Variants in DPYSL2 observed in about 807,000 individuals in gnomAD.
DPYSL2 encodes the protein dihydropyrimidinase-related protein 2.
DPYSL2 carries 13 observed loss-of-function variants against 69.9 expected under a neutral mutation model. The ratio of observed to expected loss-of-function variants is 0.19; its 90% CI spans 0.12 to 0.30. The LOEUF (loss-of-function observed/expected upper bound fraction) is 0.30, where lower values mean the gene tolerates loss of function less well. DPYSL2 is among the 10% of genes least tolerant of loss of function. The pLI is 1.00. For missense variants in DPYSL2, 587 were observed against 918.9 expected (o/e 0.64, Z 4.67); for synonymous variants, 326 against 359.1 (o/e 0.91, Z 1.04).
chr8:26,639,240 A>G (rs1305679168), intron 8 of DPYSL2, among the ~76,000 whole-genome samples: 1 of 152,188 alleles, frequency 6.6e-6, no homozygotes, highest in Admixed American at 6.5e-5. Flanking sequence ...GGGATGAGAG[A>G]GGAGAGAGGA....
chr8:26,581,021 G>A (rs1377696743), intron 1 of DPYSL2, among the ~76,000 whole-genome samples: 1 of 152,128 alleles, frequency 6.6e-6, no homozygotes, highest in Non-Finnish European at 1.5e-5. Flanking sequence ...GTAGTGCATT[G>A]CATCTTAGAA....
chr8:26,644,183 A>G lies in DPYSL2; in HGVS notation c.1425+92A>G. The G allele has an allele frequency of 6.7e-7, 1 of 1,482,492 alleles. No individual in the cohort carries two copies. The highest frequency in any genetic ancestry group is 9.1e-7 in the Non-Finnish European group (1 of 1,102,788). The allele number at this position is 1,482,492 out of a possible 1,614,324, so 91.8% of individuals were successfully genotyped here. On this transcript the variant is annotated intron_variant, in intron 10 of 13. Coordinates refer to ENST00000521913, the MANE Select transcript of DPYSL2 (RefSeq NM_001197293.3). This position sits in a 1 kb window ranked among gnomAD's most constrained non-coding sequence, Gnocchi z 4.5. ...TGGGGCTCATGGAGGCCTTGAAATGACAGACAGTGGAGGACATCCTAGAAG... is the reference window on the plus strand; with the variant it reads ...TGGGGCTCATGGAGGCCTTGAAATGGCAGACAGTGGAGGACATCCTAGAAG...
At position 26,609,424 on chromosome 8, in the gene DPYSL2, C is replaced by A. The variant is rs1274238681; in HGVS notation, c.629-14719C>A. On this transcript the variant is annotated intron_variant, in intron 3 of 13. Coordinates refer to ENST00000521913, the MANE Select transcript of DPYSL2 (RefSeq NM_001197293.3). The surrounding 1 kb of genome is among the most constrained non-coding windows in gnomAD (Gnocchi z 6.5). ...AAGTCCTTAAGTTATAGTTGGATTC[C>A]CTTCCCAGCAAGGAACCAACAGGAA... Among the ~76,000 whole-genome samples the A allele has an allele frequency of 6.6e-6, 1 of 152,156 alleles. No individual in the cohort carries two copies. Among genetic ancestry groups the A allele is most frequent in the Non-Finnish European group, 1.5e-5 (1 of 68,036 alleles).
At chr8:26,547,805 A>T in intron 1 of DPYSL2, 1 of 367,614 alleles carries the variant, frequency 2.7e-6, no homozygotes. Context: ...GAATTCCCCT[A>T]CAGATTCTTG....
chr8:26,526,993 C>T (rs1808489168), intron 1 of DPYSL2, among the ~76,000 whole-genome samples: 3 of 152,184 alleles, frequency 2.0e-5, no homozygotes, highest in African/African-American at 7.2e-5. Flanking sequence ...GAGGCTAATG[C>T]TGTAGTTGAC....
In DPYSL2 at chr8:26,585,091, G is replaced by A. The variant is rs912844634; in HGVS notation, c.628+1108G>A. Among the ~76,000 whole-genome samples the A allele has an allele frequency of 6.6e-6, 1 of 152,070 alleles. No homozygotes were observed. The highest frequency in any genetic ancestry group is 1.5e-5 in the Non-Finnish European group (1 of 68,030). On this transcript the variant is annotated intron_variant, in intron 3 of 13. Transcript: ENST00000521913. The surrounding 1 kb of genome is among the most constrained non-coding windows in gnomAD (Gnocchi z 4.0). ...AGGTGGGCAAGCTGCATAGTGGCCCGTCAGATACATATTTTAAAAAACAGA... is the reference window on the plus strand; with the variant it reads ...AGGTGGGCAAGCTGCATAGTGGCCCATCAGATACATATTTTAAAAAACAGA...
In DPYSL2 at chr8:26,657,873, C is replaced by A. The variant is rs546461407; in HGVS notation, c.*2167C>A. On this transcript the variant is annotated 3_prime_UTR_variant, in exon 14 of 14. Coordinates refer to ENST00000521913, the MANE Select transcript of DPYSL2 (RefSeq NM_001197293.3). ...GTTAAATGAATGTCATATGTAAATG[C>A]TAAAATAAATCGACAGTGTCTCAGA... is the stretch of plus-strand genomic sequence containing the variant. 2 of 152,646 alleles carry A rather than the reference C, an allele frequency of 1.3e-5. No homozygotes were observed. The highest frequency in any genetic ancestry group is 3.9e-4 in the East Asian group (2 of 5,184). 9.5% of individuals were successfully genotyped at this position (152,646 alleles called of 1,614,324 possible).
In DPYSL2 at chr8:26,648,163, G is replaced by A. The variant is rs1043283864; in HGVS notation, c.1596+363G>A. On this transcript the variant is annotated intron_variant, in intron 11 of 13. Coordinates refer to ENST00000521913, the MANE Select transcript of DPYSL2 (RefSeq NM_001197293.3). This position sits in a 1 kb window ranked among gnomAD's most constrained non-coding sequence, Gnocchi z 4.3. ...ACTTGGTGCAAGGGACCTCAATGAA[G>A]CAGTGAGATGTCCTCTCCTGAGATG... Among the ~76,000 whole-genome samples the A allele has an allele frequency of 1.3e-5, 2 of 152,170 alleles. No individual in the cohort carries two copies. Among genetic ancestry groups the A allele is most frequent in the Non-Finnish European group, 2.9e-5 (2 of 68,044 alleles).
intron 1 of DPYSL2, among the ~76,000 whole-genome samples, chr8:26,575,810 G>A (rs1172521426): frequency 6.6e-6 from 1 of 152,186 alleles, no homozygotes; most frequent in Non-Finnish European, 1.5e-5. Flanking sequence ...AGGTTACTTT[G>A]TTTTAAATTA....
In DPYSL2 at chr8:26,580,951, CT is replaced by C. The variant is rs1801480053; in HGVS notation, c.355-1016del. Among the ~76,000 whole-genome samples, 1 of 152,184 alleles carries C rather than the reference CT, an allele frequency of 6.6e-6. No homozygotes were observed. Among genetic ancestry groups the C allele is most frequent in the African/African-American group, 2.4e-5 (1 of 41,446 alleles). On this transcript the variant is annotated intron_variant, in intron 1 of 13. Coordinates refer to ENST00000521913, the MANE Select transcript of DPYSL2 (RefSeq NM_001197293.3). The surrounding 1 kb of genome is among the most constrained non-coding windows in gnomAD (Gnocchi z 4.1). ...TCACATTCTCAGACTTTATCTGCTG[CT>C]TGTCCTTTATTTTTTAGCATAAATA...
chr8:26,601,726 G>A (rs1246185873), intron 3 of DPYSL2, among the ~76,000 whole-genome samples: 4 of 152,222 alleles, frequency 2.6e-5, no homozygotes, highest in Non-Finnish European at 4.4e-5. Flanking sequence ...TTAGGAGGAC[G>A]AGAGAGACCT....
rs568579203 is a variant in DPYSL2 at position 26,565,067 on chromosome 8, T to C, written c.355-16902T>C. Among the ~76,000 whole-genome samples the C allele has an allele frequency of 3.2e-4, 48 of 152,342 alleles. No individual in the cohort carries two copies. Among genetic ancestry groups the C allele is most frequent in the Non-Finnish European group, 4.7e-4 (32 of 68,034 alleles). ...TGTTACTTCACTTAGAATAATGGCT[T>C]CCAGCTCCACCCGAATTACTGCAAA... On this transcript the variant is annotated intron_variant, in intron 1 of 13. Coordinates refer to ENST00000521913, the MANE Select transcript of DPYSL2 (RefSeq NM_001197293.3). The surrounding 1 kb of genome is among the most constrained non-coding windows in gnomAD (Gnocchi z 4.1).
rs533872190 is a variant in DPYSL2 at position 26,610,006 on chromosome 8, C to T, written c.629-14137C>T. On this transcript the variant is annotated intron_variant, in intron 3 of 13. Coordinates refer to ENST00000521913, the MANE Select transcript of DPYSL2 (RefSeq NM_001197293.3). The surrounding 1 kb of genome is among the most constrained non-coding windows in gnomAD (Gnocchi z 4.5). The stretch of plus-strand genomic sequence containing the variant: ...ACTCACCCATGTGCACACACACAGG[C>T]ACACACATGAGAAAGGGACGGGGAA... Among the ~76,000 whole-genome samples the T allele has an allele frequency of 6.6e-6, 1 of 152,306 alleles. No homozygotes were observed. Among genetic ancestry groups the T allele is most frequent in the South Asian group, 2.1e-4 (1 of 4,824 alleles).
At chr8:26,636,415 T>C (rs1802917423) in intron 8 of DPYSL2, among the ~76,000 whole-genome samples, 1 of 152,246 alleles carries the variant, frequency 6.6e-6, no homozygotes, top group African/African-American at 2.4e-5. Context: ...GCTTATTTTC[T>C]GTATTTTACT....
rs1321009289 is a variant in DPYSL2 at position 26,641,027 on chromosome 8, G to C, written c.1127-2412G>C. On this transcript the variant is annotated intron_variant, in intron 8 of 13. Coordinates refer to ENST00000521913, the MANE Select transcript of DPYSL2 (RefSeq NM_001197293.3). This position sits in a 1 kb window ranked among gnomAD's most constrained non-coding sequence, Gnocchi z 4.1. ...ATAGAGCAGCTCCCCACCCCAAGCT[G>C]AGTTGTGTTTCGCAGGGAGAGATAA... 2.0e-5 allele frequency among the ~76,000 whole-genome samples: 3 copies of C among 152,212 alleles called. No homozygotes were observed. The highest frequency in any genetic ancestry group is 6.5e-5 in the Admixed American group (1 of 15,280).
intron 3 of DPYSL2, among the ~76,000 whole-genome samples, chr8:26,615,673 G>A (rs1274613754): frequency 2.0e-5 from 3 of 152,162 alleles, no homozygotes; most frequent in East Asian, 1.9e-4. Context: ...GATGGCAATT[G>A]GTCATATTTG....
At chr8:26,558,932 A>G (rs960873776) in intron 1 of DPYSL2, among the ~76,000 whole-genome samples, 10 of 152,164 alleles carry the variant, frequency 6.6e-5, no homozygotes, top group Non-Finnish European at 1.2e-4. Flanking sequence ...TACTATTTTT[A>G]AAACTATTTA....
At chr8:26,545,776 A>T (rs965689022) in intron 1 of DPYSL2, among the ~76,000 whole-genome samples, 8 of 151,976 alleles carry the variant, frequency 5.3e-5, no homozygotes, top group Non-Finnish European at 7.4e-5. Context: ...CAAAAAAAAA[A>T]AATAATCTCA....
rs1473792164 is a variant in DPYSL2, at chr8:26,514,694, TG to T, written c.354+20del. 2.8e-6 allele frequency: 2 copies of T among 703,338 alleles called. No homozygotes were observed. Among genetic ancestry groups the T allele is most frequent in the Non-Finnish European group, 1.8e-6 (1 of 553,002 alleles). The allele number at this position is 703,338 out of a possible 1,614,324, so 43.6% of individuals were successfully genotyped here. On this transcript the variant is annotated intron_variant, in intron 1 of 13. Transcript: ENST00000521913. This position sits in a 1 kb window ranked among gnomAD's most constrained non-coding sequence, Gnocchi z 8.4. The stretch of plus-strand genomic sequence containing the variant: ...TCAACGACCAGGTCGGTGTGGGGGT[TG>T]GGGGTGGAGACGGAGGACGGGGCGC...
Sources: allele counts gnomAD v4.1 joint callset (sites outside exome capture counted in the v4.1 genomes callset), GRCh38; gene constraint gnomAD v4.1.1; non-coding constraint Gnocchi (gnomAD v3.1); transcripts MANE v1.5; gene names NCBI Gene and HGNC (gene_info 2026-07-23, HGNC 2026-07-21).